LEPR: variants seen among roughly 807,000 people sequenced by gnomAD.
LEPR encodes leptin receptor.
In LEPR, 56 loss-of-function variants were observed where a neutral mutation model predicts 114.7. The ratio of observed to expected loss-of-function variants is 0.49; its 90% CI spans 0.39 to 0.61. The LOEUF (loss-of-function observed/expected upper bound fraction) is 0.61. Among genes scored for constraint, LEPR ranks in the 20% least tolerant of loss-of-function variants. The pLI, the probability that LEPR is intolerant of heterozygous loss-of-function variation, is 0.00. For missense variants in LEPR, 1,202 were observed against 1,352.9 expected, an observed-to-expected ratio of 0.89 and a Z score of 1.75; for synonymous variants, 443 against 461.4, an observed-to-expected ratio of 0.96 and a Z score of 0.51.
intron 2 of LEPR, among the ~76,000 whole-genome samples, chr1:65,441,862 TC>T (rs1427184393): frequency 2.0e-5 from 3 of 152,184 alleles, no homozygotes; most frequent in Non-Finnish European, 4.4e-5. Context: ...TGAAACCCTC[TC>T]CCCTTTTCCC....
At chr1:65,612,360 A>T (rs1022927904) in intron 14 of LEPR, among the ~76,000 whole-genome samples, 1 of 152,240 alleles carries the variant, frequency 6.6e-6, no homozygotes, top group African/African-American at 2.4e-5. Flanking sequence ...AACAATATTG[A>T]TATGTCATCA....
intron 2 of LEPR, among the ~76,000 whole-genome samples, chr1:65,456,804 A>C (rs1646882565): frequency 6.6e-6 from 1 of 152,110 alleles, no homozygotes; most frequent in Non-Finnish European, 1.5e-5. Context: ...TGACATGCAA[A>C]GTGATTATTG....
At chr1:65,521,436 T>G (rs1649632180) in intron 2 of LEPR, among the ~76,000 whole-genome samples, 1 of 152,204 alleles carries the variant, frequency 6.6e-6, no homozygotes. Context: ...TGGACTTTAA[T>G]GACATCTAGC....
At chr1:65,433,717 T>C in intron 2 of LEPR, 1 of 928,988 alleles carries the variant, frequency 1.1e-6, no homozygotes, top group Non-Finnish European at 1.3e-6. Flanking sequence ...TTAGAAAAAT[T>C]ATTTAGATAC....
chr1:65,549,719 T>C (rs977781802), intron 2 of LEPR, among the ~76,000 whole-genome samples: 12 of 152,144 alleles, frequency 7.9e-5, no homozygotes, highest in Non-Finnish European at 1.5e-5. Context: ...TTTGTCTAAA[T>C]TTTTTTCAAA....
Position 65,638,298 on chromosome 1 carries a change from G to A in LEPR, c.*1283G>A, listed in dbSNP as rs924428104. On this transcript the variant is annotated 3_prime_UTR_variant, in exon 20 of 20. Transcript: ENST00000349533. Reference sequence around the variant, plus strand: ...TAAGTGAGAATTGCACAGATCTCATGTTTGCCTTTAACAACTTAAGATTAA... The same window carrying A: ...TAAGTGAGAATTGCACAGATCTCATATTTGCCTTTAACAACTTAAGATTAA... 1 of 152,104 alleles carries A rather than the reference G, an allele frequency of 6.6e-6. No individual in the cohort carries two copies. Among genetic ancestry groups the A allele is most frequent in the African/African-American group, 2.4e-5 (1 of 41,416 alleles). 9.4% of individuals were successfully genotyped at this position (152,104 alleles called of 1,614,324 possible).
intron 2 of LEPR, among the ~76,000 whole-genome samples, chr1:65,428,243 C>A (rs1646418179): frequency 6.6e-6 from 1 of 152,012 alleles, no homozygotes; most frequent in African/African-American, 2.4e-5. Context: ...ATTAATATTT[C>A]TCTTAGTTGG....
chr1:65,513,474 G>T (rs1432426946), intron 2 of LEPR, among the ~76,000 whole-genome samples: 1 of 152,068 alleles, frequency 6.6e-6, no homozygotes, highest in Admixed American at 6.5e-5. Flanking sequence ...TTAGAACCTG[G>T]GCTCTGGAAA....
intron 2 of LEPR, among the ~76,000 whole-genome samples, chr1:65,529,810 C>T (rs1437981451): frequency 6.6e-6 from 1 of 152,176 alleles, no homozygotes; most frequent in African/African-American, 2.4e-5. Flanking sequence ...CCCTTACTGA[C>T]TTCCAGGACA....
chr1:65,545,333 G>A (rs1485625434), intron 2 of LEPR, among the ~76,000 whole-genome samples: 1 of 152,126 alleles, frequency 6.6e-6, no homozygotes, highest in African/African-American at 2.4e-5. Context: ...GTAATGGGAT[G>A]GCGGGGTCAA....
rs1012518076 is a variant in LEPR at position 65,456,142 on chromosome 1, C to T, written c.-21+30764C>T. On this transcript the variant is annotated intron_variant, in intron 2 of 19. Transcript: ENST00000349533. ...GGCAATGCCTCGCCCAGCTTCGGCT[C>T]GTGCACGGTGCGCGCACCCATTGAC... Among the ~76,000 whole-genome samples the T allele has an allele frequency of 5.3e-5, 8 of 152,244 alleles. No homozygotes were observed. In the East Asian group the frequency reaches 1.4e-3, roughly 26 times the overall value.
chr1:65,520,390 A>C (rs1405482424), intron 2 of LEPR, among the ~76,000 whole-genome samples: 4 of 152,004 alleles, frequency 2.6e-5, no homozygotes, highest in African/African-American at 9.7e-5. Context: ...TTTTATTATT[A>C]TTTTCGCATC....
intron 19 of LEPR, chr1:65,630,550 C>T (rs1658475287): frequency 6.6e-6 from 1 of 150,906 alleles, no homozygotes; most frequent in Non-Finnish European, 1.5e-5. Flanking sequence ...CCTGTCAATT[C>T]TAAGAAATTA....
intron 2 of LEPR, among the ~76,000 whole-genome samples, chr1:65,548,308 T>C (rs1042869155): frequency 1.3e-5 from 2 of 152,192 alleles, no homozygotes; most frequent in African/African-American, 4.8e-5. Context: ...GAGAGTTCTG[T>C]AGATGTCTAT....
At chr1:65,527,290 A>G (rs944630969) in intron 2 of LEPR, among the ~76,000 whole-genome samples, 1 of 152,356 alleles carries the variant, frequency 6.6e-6, no homozygotes, top group African/African-American at 2.4e-5. Flanking sequence ...AGAGATGCCA[A>G]TTTTAGTAAT....
At chr1:65,489,401 C>T (rs1647747421) in intron 2 of LEPR, among the ~76,000 whole-genome samples, 2 of 152,158 alleles carry the variant, frequency 1.3e-5, no homozygotes, top group South Asian at 4.1e-4. Flanking sequence ...ACCTGTTGGC[C>T]ATCTGTATGT....
At position 65,598,858 on chromosome 1, in the gene LEPR, G is replaced by A. The variant is rs1656255384; in HGVS notation, c.994+54G>A. The stretch of plus-strand genomic sequence containing the variant: ...GGAGGGAAATATATTTCCTGAACTT[G>A]CCTTTGTATAGTATAAGCATCTTAC... On this transcript the variant is annotated intron_variant, in intron 8 of 19. Transcript: ENST00000349533. 1.9e-6 allele frequency: 3 copies of A among 1,610,708 alleles called. No homozygotes were observed. In the South Asian group the frequency reaches 3.3e-5, roughly 18 times the overall value.
rs574942301 is a variant in LEPR at position 65,427,722 on chromosome 1, C to A, written c.-21+2344C>A. 5.5e-5 allele frequency: 19 copies of A among 343,884 alleles called. No homozygotes were observed. The East Asian group carries it at 1.3e-3, about 24-fold the overall frequency. 21.3% of individuals were successfully genotyped at this position (343,884 alleles called of 1,614,324 possible). Reference sequence around the variant, plus strand: ...GTCTTTGTAAGGTAAGAAAATGACTCATTACTGCTACTACAAATAAGTTTG... The same window carrying A: ...GTCTTTGTAAGGTAAGAAAATGACTAATTACTGCTACTACAAATAAGTTTG... On this transcript the variant is annotated intron_variant, in intron 2 of 19. Coordinates refer to ENST00000349533, the MANE Select transcript of LEPR (RefSeq NM_002303.6).
intron 12 of LEPR, 80 bp downstream of exon 12, chr1:65,608,981 A>G: frequency 6.5e-7 from 1 of 1,549,530 alleles, no homozygotes; most frequent in Non-Finnish European, 8.9e-7. Flanking sequence ...CATTAGATTA[A>G]TTTTATTGGC....
Sources: allele counts gnomAD v4.1 joint callset (sites outside exome capture counted in the v4.1 genomes callset), GRCh38; gene constraint gnomAD v4.1.1; transcripts MANE v1.5; gene names NCBI Gene and HGNC (gene_info 2026-07-23, HGNC 2026-07-21).